The following SLC38A9 variants were observed in gnomAD, a reference collection of about 807,000 sequenced individuals.
SLC38A9 encodes the protein neutral amino acid transporter 9.
In SLC38A9, 48 loss-of-function variants were observed where a neutral mutation model predicts 62.3. The observed-to-expected ratio is 0.77, with a 90% CI of 0.61 to 0.98. The LOEUF is 0.98. SLC38A9 is among the 50% of genes least tolerant of loss of function. The pLI, the probability that SLC38A9 is intolerant of heterozygous loss-of-function variation, is 0.00. For missense variants in SLC38A9, 541 were observed against 679.8 expected, an observed-to-expected ratio of 0.80 and a Z score of 2.27; for synonymous variants, 204 against 227.7, an observed-to-expected ratio of 0.90 and a Z score of 0.94.
At chr5:55,653,280 T>G (rs1747860238) in intron 9 of SLC38A9, among the ~76,000 whole-genome samples, 1 of 152,184 alleles carries the variant, frequency 6.6e-6, no homozygotes, top group Non-Finnish European at 1.5e-5. Flanking sequence ...AGATATTATC[T>G]TTAAACTCTA....
chr5:55,630,346 C>T (rs545373712), intron 14 of SLC38A9, among the ~76,000 whole-genome samples: 1 of 151,872 alleles, frequency 6.6e-6, no homozygotes. Flanking sequence ...GAGATGGAGT[C>T]TCGCTCTGTC....
At chr5:55,694,357 A>G (rs1053608537) in intron 3 of SLC38A9, among the ~76,000 whole-genome samples, 2 of 152,198 alleles carry the variant, frequency 1.3e-5, no homozygotes, top group African/African-American at 4.8e-5. Context: ...TCTTGTTAGA[A>G]AACCTTTTGT....
chr5:55,659,256 C>T (rs1438251382), intron 8 of SLC38A9, among the ~76,000 whole-genome samples: 2 of 145,678 alleles, frequency 1.4e-5, no homozygotes, highest in Non-Finnish European at 3.0e-5. Flanking sequence ...AAAAAAAAAC[C>T]ATCAATATAT....
intron 13 of SLC38A9, chr5:55,634,297 T>A (rs1262778984): frequency 6.4e-6 from 1 of 156,440 alleles, no homozygotes; most frequent in Non-Finnish European, 1.4e-5. Context: ...AGTGTTATTT[T>A]ACCCTCTCTG....
In SLC38A9 at chr5:55,653,111, C is replaced by T. The variant is rs888816851; in HGVS notation, c.758-388G>A. On this transcript the variant is annotated intron_variant, in intron 9 of 15. Coordinates refer to ENST00000396865, the MANE Select transcript of SLC38A9 (RefSeq NM_173514.4). ...CCTCCCAAGTAGCTGGAACTACAGG[C>T]ACACATCACCATGCCCAGCTAATTT... Among the ~76,000 whole-genome samples the T allele has an allele frequency of 3.3e-5, 5 of 152,164 alleles. 1 individual carries two copies. The South Asian group carries it at 6.3e-4, about 19-fold the overall frequency.
intron 2 of SLC38A9, among the ~76,000 whole-genome samples, chr5:55,704,917 T>A (rs1757096930): frequency 6.6e-6 from 1 of 152,158 alleles, no homozygotes; most frequent in Non-Finnish European, 1.5e-5. Flanking sequence ...AATACTAGTC[T>A]TACAGGGTTT....
chr5:55,649,935 CAG>C (rs1747091165), intron 10 of SLC38A9, among the ~76,000 whole-genome samples: 1 of 151,924 alleles, frequency 6.6e-6, no homozygotes, highest in Non-Finnish European at 1.5e-5. Context: ...AAGATACAAG[CAG>C]AGAGTCCATT....
In SLC38A9 at chr5:55,633,600, G is replaced by C. The variant is rs914684261; in HGVS notation, c.1430+154C>G. The C allele has an allele frequency of 5.4e-6, 5 of 922,742 alleles. No individual in the cohort carries two copies. The African/African-American group carries it at 8.5e-5, about 16-fold the overall frequency. The allele number at this position is 922,742 out of a possible 1,614,324, so 57.2% of individuals were successfully genotyped here. On this transcript the variant is annotated intron_variant, in intron 14 of 15. Coordinates refer to ENST00000396865, the MANE Select transcript of SLC38A9 (RefSeq NM_173514.4). ...CAAGGGAGTGGCTTCTATTTTTAAA[G>C]CTCTTCAGGGAAGAGGACACCAATG... is the stretch of plus-strand genomic sequence containing the variant.
At chr5:55,629,220 A>G (rs554651297) in intron 14 of SLC38A9, among the ~76,000 whole-genome samples, 1 of 151,964 alleles carries the variant, frequency 6.6e-6, no homozygotes, top group Admixed American at 6.6e-5. Context: ...AATTATTATT[A>G]TTTTTTTAAG....
chr5:55,632,663 C>T (rs924250027), intron 14 of SLC38A9, among the ~76,000 whole-genome samples: 1 of 152,122 alleles, frequency 6.6e-6, no homozygotes, highest in Non-Finnish European at 1.5e-5. Context: ...CTCAAGCTGG[C>T]CGTAAAACCT....
At chr5:55,668,443 G>A (rs1750809515) in intron 7 of SLC38A9, among the ~76,000 whole-genome samples, 1 of 152,168 alleles carries the variant, frequency 6.6e-6, no homozygotes, top group Middle Eastern at 3.4e-3. Flanking sequence ...ACAGTGCCAA[G>A]GCTGGCCCCA....
intron 11 of SLC38A9, 135 bp downstream of exon 11, chr5:55,649,072 G>A (rs1276165575): frequency 8.3e-6 from 4 of 482,178 alleles, no homozygotes; most frequent in Non-Finnish European, 1.5e-5. Flanking sequence ...AATCTCAACT[G>A]TAGTCCTGTT....
In SLC38A9 at chr5:55,707,580, C is replaced by T. The variant is rs908300258; in HGVS notation, c.-35+3872G>A. 2.6e-5 allele frequency among the ~76,000 whole-genome samples: 4 copies of T among 152,240 alleles called. No individual in the cohort carries two copies. The South Asian group carries it at 6.2e-4, about 24-fold the overall frequency. ...GAGGTTGCAGAGCAAGACTCTGTCT[C>T]AAAACAAAACCCAGACATAATCACT... On this transcript the variant is annotated intron_variant, in intron 2 of 15. Transcript: ENST00000396865.
At chr5:55,641,898 G>A (rs1413672526) in intron 12 of SLC38A9, among the ~76,000 whole-genome samples, 1 of 152,176 alleles carries the variant, frequency 6.6e-6, no homozygotes, top group Non-Finnish European at 1.5e-5. Context: ...CAAATTCTTT[G>A]GTAACTGAGA....
intron 4 of SLC38A9, among the ~76,000 whole-genome samples, chr5:55,670,187 G>A (rs1212961468): frequency 7.4e-5 from 7 of 94,476 alleles, no homozygotes; most frequent in Non-Finnish European, 1.3e-4. Context: ...GGATGGTCTC[G>A]ATCTCCTGAC....
In SLC38A9 at chr5:55,656,698, C is replaced by T. The variant is rs373038234; in HGVS notation, c.757+17G>A. The T allele has an allele frequency of 1.9e-6, 3 of 1,570,622 alleles. No homozygotes were observed. The highest frequency in any genetic ancestry group is 2.6e-6 in the Non-Finnish European group (3 of 1,140,990). ...AGGTGGAGAGTAAAGAAACAAACAA[C>T]ATCCCAAACTACTTACCAGGGTTGC... On this transcript the variant is annotated intron_variant, in intron 9 of 15. Transcript: ENST00000396865.
At position 55,638,452 on chromosome 5, in the gene SLC38A9, A is replaced by T. The variant is rs536083225; in HGVS notation, c.1168-2795T>A. Among the ~76,000 whole-genome samples the T allele has an allele frequency of 2.6e-5, 4 of 152,346 alleles. No individual in the cohort carries two copies. In the East Asian group the frequency reaches 7.7e-4, roughly 29 times the overall value. On this transcript the variant is annotated intron_variant, in intron 12 of 15. Coordinates refer to ENST00000396865, the MANE Select transcript of SLC38A9 (RefSeq NM_173514.4). ...AATTATGTCAAGAAGCCTATACATT[A>T]ATAAGGTAACTGACTCTGTCTTGTG...
At chr5:55,658,637 G>A (rs1037150952) in intron 8 of SLC38A9, among the ~76,000 whole-genome samples, 4 of 152,112 alleles carry the variant, frequency 2.6e-5, no homozygotes, top group African/African-American at 9.7e-5. Flanking sequence ...AGGGACCAGG[G>A]CCCTGTTCAC....
intron 12 of SLC38A9, among the ~76,000 whole-genome samples, chr5:55,637,643 T>A (rs192429909): frequency 6.6e-6 from 1 of 152,326 alleles, no homozygotes; most frequent in East Asian, 1.9e-4. Context: ...GCCTGGTACA[T>A]AGGAGGAACT....
Sources: allele counts gnomAD v4.1 joint callset (sites outside exome capture counted in the v4.1 genomes callset), GRCh38; gene constraint gnomAD v4.1.1; transcripts MANE v1.5; gene names NCBI Gene and HGNC (gene_info 2026-07-23, HGNC 2026-07-21).